PCDHGA1: variants seen among roughly 807,000 people sequenced by gnomAD.
PCDHGA1 encodes the protein protocadherin gamma-A1.
A neutral mutation model predicts 58.0 loss-of-function variants in PCDHGA1; 32 were observed. That is an observed-to-expected ratio of 0.55 (90% CI 0.42 to 0.74). The LOEUF (loss-of-function observed/expected upper bound fraction) is 0.74, where lower values mean the gene tolerates loss of function less well. PCDHGA1 is among the 30% of genes least tolerant of loss of function. The pLI is 0.00. For synonymous variants in PCDHGA1, 498 were observed against 501.1 expected, an observed-to-expected ratio of 0.99 and a Z score of 0.08; for missense variants, 1,205 against 1,182.3, an observed-to-expected ratio of 1.02 and a Z score of -0.28.
intron 1 of PCDHGA1, chr5:141,385,463 T>A: frequency 6.9e-7 from 1 of 1,443,350 alleles, no homozygotes; most frequent in Non-Finnish European, 9.1e-7. Flanking sequence ...TTTCCTTCAG[T>A]GGTGACACTT....
intron 1 of PCDHGA1, among the ~76,000 whole-genome samples, chr5:141,438,587 C>CAT (rs1372372472): frequency 1.4e-4 from 10 of 73,396 alleles, no homozygotes; most frequent in East Asian, 3.8e-4. Context: ...TACATACATA[C>CAT]ATACATATAT....
intron 1 of PCDHGA1, among the ~76,000 whole-genome samples, chr5:141,492,922 T>C (rs1191111432): frequency 1.3e-5 from 2 of 152,194 alleles, no homozygotes; most frequent in Non-Finnish European, 2.9e-5. Context: ...TGCCCAGCGA[T>C]CTAGGGTCAG....
rs1057107770 is a variant in PCDHGA1 at position 141,387,795 on chromosome 5, T to C, written c.2421+54690T>C. 28 of 1,499,168 alleles carry C rather than the reference T, an allele frequency of 1.9e-5. No homozygotes were observed. In the African/African-American group the frequency reaches 2.5e-4, roughly 13 times the overall value. The allele number at this position is 1,499,168 out of a possible 1,614,324, so 92.9% of individuals were successfully genotyped here. A position where few individuals can be genotyped will look rare whatever the true frequency, so the allele number is the denominator to read the frequency against. On this transcript the variant is annotated intron_variant, in intron 1 of 3. Transcript: ENST00000517417. ...TCTTGAACTGGAACTGCAACTAAAG[T>C]CCGTTCGGAGATCCAAAAATCTGCA... is the stretch of plus-strand genomic sequence containing the variant.
chr5:141,388,864 C>T (rs748559328), intron 1 of PCDHGA1: 15 of 1,613,736 alleles, frequency 9.3e-6, no homozygotes, highest in Middle Eastern at 1.6e-4. Flanking sequence ...GGAATGATTG[C>T]GCAATGCACA....
At chr5:141,419,796 T>A in intron 1 of PCDHGA1, 1 of 1,614,026 alleles carries the variant, frequency 6.2e-7, no homozygotes. Flanking sequence ...CTAGTCGCTG[T>A]AAGAGATGGA....
At chr5:141,374,087 G>C (rs1358918796) in intron 1 of PCDHGA1, 3 of 1,529,296 alleles carry the variant, frequency 2.0e-6, no homozygotes, top group Non-Finnish European at 2.6e-6. Context: ...GCCAGTAATG[G>C]CGCCTCCGCA....
chr5:141,477,184 C>T lies in PCDHGA1; in HGVS notation c.2422-17623C>T. On this transcript the variant is annotated intron_variant, in intron 1 of 3. Coordinates refer to ENST00000517417, the MANE Select transcript of PCDHGA1 (RefSeq NM_018912.3). The surrounding 1 kb of genome is among the most constrained non-coding windows in gnomAD (Gnocchi z 4.9). ...ACGCCCCGGAGATCACAGTCACCTC[C>T]GTGTACAGCCCAGTACCCGAGGATG... The T allele has an allele frequency of 3.7e-6, 6 of 1,614,178 alleles. No individual in the cohort carries two copies. Among genetic ancestry groups the T allele is most frequent in the Non-Finnish European group, 5.1e-6 (6 of 1,180,032 alleles).
At chr5:141,351,841 A>G (rs3749777) in intron 1 of PCDHGA1, 152,910 of 1,613,066 alleles carry the variant, frequency 0.095, 8,979 homozygotes, top group African/African-American at 0.29. Context: ...TCGAGCTCAC[A>G]CTGCAGGCCA....
At chr5:141,434,785 T>A (rs7727021) in intron 1 of PCDHGA1, among the ~76,000 whole-genome samples, 45,585 of 150,884 alleles carry the variant, frequency 0.3, 8,100 homozygotes, top group African/African-American at 0.51. Context: ...AAAAAAAAAA[T>A]TTTTTTTTCT....
At chr5:141,399,670 GCCTTTGACTACGAGCAGCTGCGCA>G (rs758329241) in intron 1 of PCDHGA1, 2 of 1,613,610 alleles carry the variant, frequency 1.2e-6, no homozygotes, top group East Asian at 4.5e-5. Context: ...CGCGCAGCGC[GCCTTTGACTACGAGCAGCTGCGCA>G]CCTTCGAACT....
chr5:141,388,941 C>T (rs191165529), intron 1 of PCDHGA1: 9 of 1,613,962 alleles, frequency 5.6e-6, no homozygotes, highest in Admixed American at 5.0e-5. Context: ...TCTACCCAAC[C>T]TAATTATGGA....
In PCDHGA1 at chr5:141,414,051, A is replaced by G. The variant is rs747091153; in HGVS notation, c.2422-80756A>G. ...CATTCCGAAAATTACCTGACACGCA[A>G]TTGTTGAAGTTCCAACTAAACAAAT... On this transcript the variant is annotated intron_variant, in intron 1 of 3. Coordinates refer to ENST00000517417, the MANE Select transcript of PCDHGA1 (RefSeq NM_018912.3). 5.0e-6 allele frequency: 8 copies of G among 1,610,748 alleles called. No individual in the cohort carries two copies. The Admixed American group carries it at 8.4e-5, about 17-fold the overall frequency.
At position 141,477,372 on chromosome 5, in the gene PCDHGA1, CTG is replaced by C; in HGVS notation, c.2422-17432_2422-17431del. On this transcript the variant is annotated intron_variant, in intron 1 of 3. Transcript: ENST00000517417. This position sits in a 1 kb window ranked among gnomAD's most constrained non-coding sequence, Gnocchi z 4.9. ...ACCAGTGCAGACCTGGATCGGGAGA[CTG>C]TGCCAGAATACAACCTCAGCATCAC... The C allele has an allele frequency of 6.2e-7, 1 of 1,614,154 alleles. No homozygotes were observed. The highest frequency in any genetic ancestry group is 8.5e-7 in the Non-Finnish European group (1 of 1,180,030).
At chr5:141,469,312 C>T (rs1387258560) in intron 1 of PCDHGA1, among the ~76,000 whole-genome samples, 2 of 152,064 alleles carry the variant, frequency 1.3e-5, no homozygotes, top group Non-Finnish European at 2.9e-5. Flanking sequence ...CACGATGGCT[C>T]ACGCCTGTAA....
At chr5:141,371,894 G>A in intron 1 of PCDHGA1, 4 of 1,613,426 alleles carry the variant, frequency 2.5e-6, no homozygotes, top group Non-Finnish European at 3.4e-6. Flanking sequence ...AGCCGCGGGA[G>A]CTGTCGTCCT....
At chr5:141,406,011 G>A (rs1380278745) in intron 1 of PCDHGA1, among the ~76,000 whole-genome samples, 7 of 151,702 alleles carry the variant, frequency 4.6e-5, no homozygotes, top group African/African-American at 1.7e-4. Context: ...CATTGATGTG[G>A]GCTTTTTGGG....
chr5:141,376,606 A>C (rs1349467952), intron 1 of PCDHGA1: 1 of 1,502,986 alleles, frequency 6.7e-7, no homozygotes, highest in African/African-American at 1.4e-5. Context: ...TATAGAAGCG[A>C]ACCTCTTTTG....
At chr5:141,339,541 G>C in intron 1 of PCDHGA1, 1 of 1,614,160 alleles carries the variant, frequency 6.2e-7, no homozygotes, top group Non-Finnish European at 8.5e-7. Context: ...ATGGGAACAA[G>C]TACCCAGAAC....
intron 1 of PCDHGA1, chr5:141,365,734 T>C: frequency 4.3e-6 from 7 of 1,613,550 alleles, no homozygotes; most frequent in Non-Finnish European, 5.1e-6. Context: ...ATCCCAGAGG[T>C]GTCTCTATCT....
Sources: allele counts gnomAD v4.1 joint callset (sites outside exome capture counted in the v4.1 genomes callset), GRCh38; gene constraint gnomAD v4.1.1; non-coding constraint Gnocchi (gnomAD v3.1); transcripts MANE v1.5; gene names NCBI Gene and HGNC (gene_info 2026-07-23, HGNC 2026-07-21).